Variants in IFT81 observed in about 807,000 individuals in gnomAD.
IFT81 encodes the protein intraflagellar transport protein 81 homolog.
Under a neutral mutation model 102.6 loss-of-function variants are expected in IFT81, and 72 were observed. The observed-to-expected ratio is 0.70, with a 90% CI of 0.58 to 0.85. The LOEUF is 0.85. IFT81 is among the 40% of genes least tolerant of loss of function. IFT81 has a pLI of 0.00. For synonymous variants in IFT81, 237 were observed against 242.7 expected, an observed-to-expected ratio of 0.98 and a Z score of 0.22; for missense variants, 723 against 787.3, an observed-to-expected ratio of 0.92 and a Z score of 0.98.
intron 14 of IFT81, among the ~76,000 whole-genome samples, chr12:110,195,873 A>AT (rs1227747951): frequency 2.0e-5 from 3 of 151,992 alleles, no homozygotes; most frequent in African/African-American, 4.8e-5. Context: ...TTCCTTGAGG[A>AT]TTTTTTTTAA....
At chr12:110,185,595 TA>T (rs1300354253) in intron 12 of IFT81, among the ~76,000 whole-genome samples, 1 of 152,108 alleles carries the variant, frequency 6.6e-6, no homozygotes, top group Non-Finnish European at 1.5e-5. Context: ...TTGTTGATAA[TA>T]TTTTTTTAAT....
At chr12:110,125,187 A>C (rs570332024) in intron 1 of IFT81, among the ~76,000 whole-genome samples, 388 of 152,308 alleles carry the variant, frequency 2.5e-3, no homozygotes, top group Non-Finnish European at 4.0e-3. Flanking sequence ...ACTTTTACTT[A>C]AAATACTTTA....
At chr12:110,139,561 A>G (rs987228434) in intron 8 of IFT81, among the ~76,000 whole-genome samples, 6 of 151,554 alleles carry the variant, frequency 4.0e-5, no homozygotes, top group Admixed American at 4.0e-4. Flanking sequence ...TCACAAGGTC[A>G]GGAGAGCGAG....
intron 12 of IFT81, among the ~76,000 whole-genome samples, chr12:110,187,738 AG>A (rs1897598647): frequency 6.6e-6 from 1 of 152,070 alleles, no homozygotes; most frequent in African/African-American, 2.4e-5. Flanking sequence ...GATCAAGTTG[AG>A]GGTAGCTTTT....
In IFT81 at chr12:110,135,485, T is replaced by C. The variant is rs768444851; in HGVS notation, c.696+48T>C. Reference sequence around the variant, plus strand: ...TCTCAGTATGAAGGAAATAGTTCCTTCTCATAATCCAAATGTAAAGAAAAG... The same window carrying C: ...TCTCAGTATGAAGGAAATAGTTCCTCCTCATAATCCAAATGTAAAGAAAAG... On this transcript the variant is annotated intron_variant, in intron 7 of 18. Transcript: ENST00000242591. The C allele has an allele frequency of 2.8e-6, 3 of 1,088,732 alleles. No individual in the cohort carries two copies. The Admixed American group carries it at 6.5e-5, about 23-fold the overall frequency. The allele number at this position is 1,088,732 out of a possible 1,614,324, so 67.4% of individuals were successfully genotyped here.
chr12:110,165,720 G>A (rs1392480004), intron 11 of IFT81, among the ~76,000 whole-genome samples: 1 of 152,124 alleles, frequency 6.6e-6, no homozygotes, highest in African/African-American at 2.4e-5. Context: ...GCTAGTAAGT[G>A]GCCAAGCTAA....
At chr12:110,196,222 C>CA (rs1251306794) in intron 14 of IFT81, among the ~76,000 whole-genome samples, 2 of 151,990 alleles carry the variant, frequency 1.3e-5, no homozygotes, top group Non-Finnish European at 2.9e-5. Context: ...TTTATTACAG[C>CA]AAAAAACCAA....
chr12:110,137,071 G>A (rs918582089), intron 8 of IFT81, among the ~76,000 whole-genome samples: 1 of 152,170 alleles, frequency 6.6e-6, no homozygotes, highest in African/African-American at 2.4e-5. Flanking sequence ...CAGATGGCCG[G>A]GTGCAGTGGC....
intron 9 of IFT81, among the ~76,000 whole-genome samples, chr12:110,144,637 A>G (rs1438569510): frequency 6.6e-6 from 1 of 151,852 alleles, no homozygotes; most frequent in Non-Finnish European, 1.5e-5. Context: ...CAGCCTCCCA[A>G]GTAGCTGGGA....
Position 110,198,671 on chromosome 12 carries a change from T to C in IFT81, c.1558-5193T>C, listed in dbSNP as rs75603250. 6.9e-3 allele frequency among the ~76,000 whole-genome samples: 1,046 copies of C among 152,318 alleles called. 1 individual carries two copies. The highest frequency in any genetic ancestry group is 9.5e-3 in the Non-Finnish European group (643 of 68,028). The stretch of plus-strand genomic sequence containing the variant: ...TTGTCTCTCTGTGTTGAATTCTAGA[T>C]AATTTCTTCAGCTCTGTGTTTTAGT... On this transcript the variant is annotated intron_variant, in intron 14 of 18. Coordinates refer to ENST00000242591, the MANE Select transcript of IFT81 (RefSeq NM_014055.4).
At chr12:110,154,524 G>A (rs1278553515) in intron 10 of IFT81, among the ~76,000 whole-genome samples, 3 of 150,786 alleles carry the variant, frequency 2.0e-5, no homozygotes, top group Non-Finnish European at 3.0e-5. Context: ...CCAGCTACTC[G>A]GGAGGCTGAG....
intron 11 of IFT81, among the ~76,000 whole-genome samples, chr12:110,173,751 A>G (rs543005257): frequency 1.8e-4 from 27 of 152,286 alleles, no homozygotes; most frequent in Non-Finnish European, 3.4e-4. Context: ...TTTGTTAAAC[A>G]GATGCTTGAA....
rs556290370 is a variant in IFT81 at position 110,174,293 on chromosome 12, A to T, written c.1189-6129A>T. ...ACTCCGTCTCAAAAAAAAAAAAAAA[A>T]AAAAAAAAAAAAAATTAGCCGGGTG... On this transcript the variant is annotated intron_variant, in intron 11 of 18. Transcript: ENST00000242591. Among the ~76,000 whole-genome samples the T allele has an allele frequency of 4.2e-3, 627 of 148,430 alleles. 1 individual carries two copies. The highest frequency in any genetic ancestry group is 7.9e-3 in the African/African-American group (316 of 40,038).
rs1425771221 is a variant in IFT81 at position 110,124,460 on chromosome 12, G to GAA, written c.-423_-422insAA. 5 of 152,296 alleles carry GAA rather than the reference G, an allele frequency of 3.3e-5. No homozygotes were observed. The highest frequency in any genetic ancestry group is 1.2e-4 in the African/African-American group (5 of 41,416). 9.4% of individuals were successfully genotyped at this position (152,296 alleles called of 1,614,324 possible). Reference sequence around the variant, plus strand: ...GAATTTGAGGTAACCTCGCCAACTCGCGGTCGGAAGCTCCTCTGAACCCCG... The same window carrying GAA: ...GAATTTGAGGTAACCTCGCCAACTCGAACGGTCGGAAGCTCCTCTGAACCCCG... On this transcript the variant is annotated 5_prime_UTR_variant, in exon 1 of 19. Transcript: ENST00000242591.
At chr12:110,197,248 G>GTAGATAGATAGA (rs57797208) in intron 14 of IFT81, among the ~76,000 whole-genome samples, 139 of 147,156 alleles carry the variant, frequency 9.4e-4, no homozygotes, top group African/African-American at 2.7e-3. Context: ...AGGTAGGTAG[G>GTAGATAGATAGA]TAGATAGATA....
At chr12:110,161,703 C>G (rs1413034548) in intron 10 of IFT81, among the ~76,000 whole-genome samples, 1 of 152,070 alleles carries the variant, frequency 6.6e-6, no homozygotes, top group Non-Finnish European at 1.5e-5. Context: ...ATCCTCCCAC[C>G]TTGGCCTCCC....
chr12:110,140,403 C>T (rs1040324914), intron 8 of IFT81, among the ~76,000 whole-genome samples: 1 of 152,212 alleles, frequency 6.6e-6, no homozygotes, highest in African/African-American at 2.4e-5. Flanking sequence ...TAATGTCTCA[C>T]TCTTGCCCCC....
intron 4 of IFT81, 122 bp downstream of exon 4, chr12:110,129,252 A>G (rs1044839286): frequency 1.2e-5 from 8 of 682,114 alleles, no homozygotes; most frequent in East Asian, 6.4e-5. Context: ...AGAAGATAAA[A>G]CTGTATCAGC....
At chr12:110,146,446 G>C (rs113031597) in intron 9 of IFT81, among the ~76,000 whole-genome samples, 1 of 152,192 alleles carries the variant, frequency 6.6e-6, no homozygotes, top group Non-Finnish European at 1.5e-5. Context: ...AAGTCACAAC[G>C]TAGGTGAGGG....
Sources: gnomAD v4.1 joint callset for allele counts (sites outside exome capture counted in the v4.1 genomes callset) on GRCh38, gnomAD v4.1.1 for gene constraint, MANE v1.5 for transcripts, NCBI Gene and HGNC (gene_info 2026-07-23, HGNC 2026-07-21) for gene names.